The following TMEM163 variants were observed in gnomAD, a reference collection of about 807,000 sequenced individuals.
The protein encoded by TMEM163 is transmembrane protein 163.
A neutral mutation model predicts 29.3 loss-of-function variants in TMEM163; 17 were observed. The observed-to-expected ratio is 0.58, with a 90% confidence interval of 0.40 to 0.87. The LOEUF is 0.87. Ranked by LOEUF, TMEM163 falls within the 40% of genes least tolerant of loss-of-function variation. The pLI is 0.00. For synonymous variants in TMEM163, 157 were observed against 160.6 expected (o/e 0.98, Z 0.17); for missense variants, 303 against 381.5 (o/e 0.79, Z 1.71).
chr2:134,676,887 TTAAC>T (rs1197990698), intron 2 of TMEM163, among the ~76,000 whole-genome samples: 8 of 151,994 alleles, frequency 5.3e-5, no homozygotes. Context: ...AATGAGAAAA[TTAAC>T]TACCCTCATG....
At chr2:134,487,143 T>C (rs544315831) in intron 5 of TMEM163, among the ~76,000 whole-genome samples, 2 of 151,302 alleles carry the variant, frequency 1.3e-5, no homozygotes, top group African/African-American at 4.8e-5. Context: ...CCTTGGCTAA[T>C]AAGAAACAAA....
intron 2 of TMEM163, among the ~76,000 whole-genome samples, chr2:134,648,248 A>G (rs924820366): frequency 6.6e-6 from 1 of 151,462 alleles, no homozygotes; most frequent in Non-Finnish European, 1.5e-5. Flanking sequence ...ATCCCTCTGA[A>G]GTCAAGCTGC....
chr2:134,645,892 T>C (rs927069113), intron 2 of TMEM163, among the ~76,000 whole-genome samples: 2 of 152,172 alleles, frequency 1.3e-5, no homozygotes, highest in African/African-American at 4.8e-5. Context: ...AACATGATCT[T>C]ACAATTGTTA....
At chr2:134,692,333 C>T (rs1484820194) in intron 2 of TMEM163, among the ~76,000 whole-genome samples, 2 of 152,206 alleles carry the variant, frequency 1.3e-5, no homozygotes, top group African/African-American at 4.8e-5. Flanking sequence ...TTTGTTACAA[C>T]AGCCAGAGAA....
At chr2:134,662,081 G>A (rs994974823) in intron 2 of TMEM163, among the ~76,000 whole-genome samples, 6 of 151,816 alleles carry the variant, frequency 4.0e-5, no homozygotes, top group East Asian at 3.9e-4. Flanking sequence ...GACTACAGGC[G>A]CGTGCCACCA....
At chr2:134,561,184 A>T (rs962657072) in intron 2 of TMEM163, among the ~76,000 whole-genome samples, 1 of 152,224 alleles carries the variant, frequency 6.6e-6, no homozygotes, top group Non-Finnish European at 1.5e-5. Context: ...TAAAAGTAGC[A>T]GCAAAGTTCT....
chr2:134,592,798 TATAG>T (rs149926110), intron 2 of TMEM163, among the ~76,000 whole-genome samples: 2,378 of 151,184 alleles, frequency 0.016, 72 homozygotes, highest in African/African-American at 0.053. Flanking sequence ...TTAATATAGA[TATAG>T]ATAGATAGAC....
chr2:134,609,910 C>G (rs763531540), intron 2 of TMEM163, among the ~76,000 whole-genome samples: 1 of 151,830 alleles, frequency 6.6e-6, no homozygotes, highest in Non-Finnish European at 1.5e-5. Context: ...GAGAACTGTG[C>G]TGGTGAAAAG....
Position 134,456,779 on chromosome 2 carries a change from G to A in TMEM163, c.810-3C>T. The A allele has an allele frequency of 6.2e-7, 1 of 1,613,368 alleles. No individual in the cohort carries two copies. On this transcript the variant is annotated splice_region_variant and splice_polypyrimidine_tract_variant and intron_variant, in intron 7 of 7. Coordinates refer to ENST00000281924, the MANE Select transcript of TMEM163 (RefSeq NM_030923.5). Reference sequence around the variant, plus strand: ...TCGGCACCATGTCGATGAGGAGTCTGCAAAGACGAAGACAGACAAGGTCAC... The same window carrying A: ...TCGGCACCATGTCGATGAGGAGTCTACAAAGACGAAGACAGACAAGGTCAC...
In TMEM163 at chr2:134,626,070, A is replaced by G. The variant is rs568787721; in HGVS notation, c.323-73979T>C. 2.7e-5 allele frequency among the ~76,000 whole-genome samples: 4 copies of G among 147,854 alleles called. No homozygotes were observed. In the East Asian group the frequency reaches 8.0e-4, roughly 30 times the overall value. ...CATGTCACCTGGAGGCTCTGGGGAG[A>G]ATCTGTTTCCTCTACTTTTCCAGCT... On this transcript the variant is annotated intron_variant, in intron 2 of 7. Transcript: ENST00000281924.
At chr2:134,648,404 T>C (rs1452318150) in intron 2 of TMEM163, among the ~76,000 whole-genome samples, 2 of 151,468 alleles carry the variant, frequency 1.3e-5, no homozygotes, top group East Asian at 1.9e-4. Context: ...GGGCAGGCCA[T>C]GGGTGGTTTT....
chr2:134,516,627 T>A (rs968052585), intron 4 of TMEM163, among the ~76,000 whole-genome samples: 9 of 148,054 alleles, frequency 6.1e-5, no homozygotes, highest in South Asian at 2.1e-4. Context: ...TCATATATTT[T>A]TATATATATT....
intron 4 of TMEM163, among the ~76,000 whole-genome samples, chr2:134,524,964 G>A (rs1680261947): frequency 7.4e-6 from 1 of 134,898 alleles, no homozygotes; most frequent in Admixed American, 7.2e-5. Context: ...CACAATGGTT[G>A]AACTAATCTA....
intron 2 of TMEM163, among the ~76,000 whole-genome samples, chr2:134,567,181 C>A (rs1012820123): frequency 1.3e-5 from 2 of 152,162 alleles, no homozygotes; most frequent in African/African-American, 4.8e-5. Context: ...GGGGTTCATG[C>A]TCCACAACCA....
At chr2:134,572,307 T>C (rs1681449514) in intron 2 of TMEM163, among the ~76,000 whole-genome samples, 2 of 152,168 alleles carry the variant, frequency 1.3e-5, no homozygotes, top group East Asian at 1.9e-4. Context: ...AGACTGCAAA[T>C]TGATGTGAAA....
At chr2:134,617,192 G>A (rs1469641481) in intron 2 of TMEM163, among the ~76,000 whole-genome samples, 1 of 152,138 alleles carries the variant, frequency 6.6e-6, no homozygotes, top group Non-Finnish European at 1.5e-5. Context: ...GGAACTATTT[G>A]AGGCAGTTTC....
chr2:134,511,829 G>A (rs545201918), intron 4 of TMEM163, among the ~76,000 whole-genome samples: 110 of 152,132 alleles, frequency 7.2e-4, no homozygotes, highest in Non-Finnish European at 1.1e-3. Flanking sequence ...TCAATGTCAG[G>A]GCAATTAGCT....
intron 4 of TMEM163, among the ~76,000 whole-genome samples, chr2:134,516,760 T>C (rs956134417): frequency 6.8e-6 from 1 of 148,126 alleles, no homozygotes; most frequent in African/African-American, 2.5e-5. Context: ...TATGAATAGA[T>C]ATATATGTGC....
Position 134,581,283 on chromosome 2 carries a change from C to T in TMEM163, c.323-29192G>A, listed in dbSNP as rs114061901. Among the ~76,000 whole-genome samples the T allele has an allele frequency of 7.3e-3, 1,105 of 152,270 alleles. 20 individuals carry two copies. The highest frequency in any genetic ancestry group is 0.025 in the African/African-American group (1,053 of 41,534). On this transcript the variant is annotated intron_variant, in intron 2 of 7. Transcript: ENST00000281924. Reference sequence around the variant, plus strand: ...GCTACTTGATGAATAACTCAACAAGCTCCTTTCCCTTAAAAGGCCAACTAA... The same window carrying T: ...GCTACTTGATGAATAACTCAACAAGTTCCTTTCCCTTAAAAGGCCAACTAA...
Sources: allele counts gnomAD v4.1 joint callset (sites outside exome capture counted in the v4.1 genomes callset), GRCh38; gene constraint gnomAD v4.1.1; transcripts MANE v1.5; gene names NCBI Gene and HGNC (gene_info 2026-07-23, HGNC 2026-07-21).